The following IQSEC1 variants were observed in gnomAD, a reference collection of about 807,000 sequenced individuals.
IQSEC1 encodes the protein IQ motif and Sec7 domain ArfGEF 1, also known as IQ motif and SEC7 domain-containing protein 1.
A neutral mutation model predicts 91.0 loss-of-function variants in IQSEC1; 31 were observed. The ratio of observed to expected loss-of-function variants is 0.34; its 90% CI spans 0.26 to 0.46. The LOEUF (loss-of-function observed/expected upper bound fraction) is 0.46. Among genes scored for constraint, IQSEC1 ranks in the 20% least tolerant of loss-of-function variants. The pLI is 1.00. For missense variants in IQSEC1, 1,388 were observed against 1,575.6 expected (o/e 0.88, Z 2.02); for synonymous variants, 699 against 662.6 (o/e 1.05, Z -0.84).
chr3:13,073,921 G>A (rs1271350247), upstream of IQSEC1, among the ~76,000 whole-genome samples: 1 of 152,258 alleles, frequency 6.6e-6, no homozygotes, highest in Non-Finnish European at 1.5e-5. Flanking sequence ...GTAGCTGCAC[G>A]GTGGATGGCA....
chr3:12,924,565 C>G lies in IQSEC1; in HGVS notation c.1730+16G>C. On this transcript the variant is annotated intron_variant, in intron 4 of 13. Transcript: ENST00000613206. This position sits in a 1 kb window ranked among gnomAD's most constrained non-coding sequence, Gnocchi z 6.3. The stretch of plus-strand genomic sequence containing the variant: ...GTGTGGAATCAGGTCCCCCACCACC[C>G]CCATGCAGAACTTACTCGAGCACGT... 2 of 1,571,718 alleles carry G rather than the reference C, an allele frequency of 1.3e-6. No homozygotes were observed. Among genetic ancestry groups the G allele is most frequent in the African/African-American group, 2.7e-5 (2 of 74,004 alleles).
intron 6 of IQSEC1, among the ~76,000 whole-genome samples, chr3:12,916,123 G>T: frequency 6.6e-6 from 1 of 152,208 alleles, no homozygotes; most frequent in African/African-American, 2.4e-5. Flanking sequence ...GCTGGGGTTT[G>T]TTTGGGCTCC....
intron 2 of IQSEC1, among the ~76,000 whole-genome samples, chr3:13,095,251 G>A (rs1414357974): frequency 6.6e-6 from 1 of 151,986 alleles, no homozygotes; most frequent in Non-Finnish European, 1.5e-5. Flanking sequence ...CCAGGGAGTT[G>A]GAAAGGTGTG....
intron 1 of IQSEC1, among the ~76,000 whole-genome samples, chr3:12,999,390 C>G (rs1433301494): frequency 2.0e-5 from 3 of 152,206 alleles, no homozygotes; most frequent in Non-Finnish European, 4.4e-5. Context: ...CCTCCCAGCT[C>G]GGCAGTGTGC....
intron 1 of IQSEC1, among the ~76,000 whole-genome samples, chr3:13,166,992 C>T (rs188032441): frequency 5.9e-5 from 9 of 152,278 alleles, no homozygotes; most frequent in East Asian, 5.8e-4. Context: ...TGGGCAGCCC[C>T]GGGGTGGAGG....
At chr3:13,171,427 T>C (rs896580099) in intron 1 of IQSEC1, among the ~76,000 whole-genome samples, 9 of 152,198 alleles carry the variant, frequency 5.9e-5, no homozygotes, top group African/African-American at 1.9e-4. Flanking sequence ...TTCTGAGTTC[T>C]TTCTCTAAAG....
chr3:13,023,495 C>T (rs932376724), intron 1 of IQSEC1, among the ~76,000 whole-genome samples: 2 of 152,190 alleles, frequency 1.3e-5, no homozygotes, highest in Admixed American at 6.5e-5. Context: ...CAGCAGGGCC[C>T]TGGGCATCAT....
chr3:13,019,613 GA>G (rs563152600), intron 1 of IQSEC1, among the ~76,000 whole-genome samples: 8 of 152,352 alleles, frequency 5.3e-5, no homozygotes, highest in Middle Eastern at 3.4e-3. Flanking sequence ...GCTCTCAACA[GA>G]ATGGGGTAGG....
chr3:13,017,702 G>A (rs1166844672), intron 1 of IQSEC1, among the ~76,000 whole-genome samples: 1 of 152,182 alleles, frequency 6.6e-6, no homozygotes, highest in African/African-American at 2.4e-5. Flanking sequence ...TCGATGCAGG[G>A]AGAGGGGGCG....
At position 13,271,138 on chromosome 3, in the gene IQSEC1, G is replaced by T. The variant is rs186651392; in HGVS notation, c.272+11573C>A. ...CATGCCTGTAATCCCAGCACTTTGGGAGGCTGAGGTGGGCTGATCACGAGG... is the reference window on the plus strand; with the variant it reads ...CATGCCTGTAATCCCAGCACTTTGGTAGGCTGAGGTGGGCTGATCACGAGG... On this transcript the variant is annotated intron_variant, in intron 1 of 15. Coordinates refer to the IQSEC1 transcript ENST00000648114. 1.4e-3 allele frequency among the ~76,000 whole-genome samples: 213 copies of T among 152,344 alleles called. 5 individuals carry two copies. The highest frequency in any genetic ancestry group is 0.014 in the Admixed American group (212 of 15,304).
chr3:13,076,499 G>A (rs444944), upstream of IQSEC1, among the ~76,000 whole-genome samples: 60,909 of 152,044 alleles, frequency 0.4, 13,004 homozygotes, highest in Middle Eastern at 0.63. Context: ...AAGGTGGGAG[G>A]AACATGACAG....
intron 2 of IQSEC1, among the ~76,000 whole-genome samples, chr3:13,154,485 T>A (rs1348630850): frequency 1.6e-4 from 4 of 24,418 alleles, no homozygotes; most frequent in Non-Finnish European, 2.5e-4. Context: ...ATGCAAAAAC[T>A]GATACAACTG....
chr3:12,923,840 C>T (rs188651588), intron 4 of IQSEC1, among the ~76,000 whole-genome samples: 5 of 152,340 alleles, frequency 3.3e-5, no homozygotes, highest in Admixed American at 3.3e-4. Flanking sequence ...AAGGGACTGC[C>T]CCTGGATGGC....
intron 1 of IQSEC1, among the ~76,000 whole-genome samples, chr3:13,272,543 G>C (rs541486276): frequency 6.6e-6 from 1 of 152,370 alleles, no homozygotes; most frequent in Admixed American, 6.5e-5. Flanking sequence ...GCTCACAGTA[G>C]GTGCCAGGGA....
intron 2 of IQSEC1, among the ~76,000 whole-genome samples, chr3:13,083,823 C>G (rs966271777): frequency 2.0e-5 from 3 of 152,248 alleles, no homozygotes; most frequent in African/African-American, 7.2e-5. Flanking sequence ...TCCTTGTCTC[C>G]CCAGCACCTT....
At chr3:13,055,979 C>T (rs1010226399) in intron 1 of IQSEC1, among the ~76,000 whole-genome samples, 42 of 152,228 alleles carry the variant, frequency 2.8e-4, no homozygotes, top group African/African-American at 9.6e-4. Context: ...CCCCCACCAC[C>T]ATTCCAGCTT....
At chr3:13,084,992 C>A (rs1705712058) in intron 2 of IQSEC1, among the ~76,000 whole-genome samples, 2 of 152,104 alleles carry the variant, frequency 1.3e-5, no homozygotes, top group African/African-American at 2.4e-5. Flanking sequence ...TTCTAGCCCC[C>A]AAGTCCTTGG....
intron 8 of IQSEC1, among the ~76,000 whole-genome samples, chr3:12,914,314 A>T (rs1387966766): frequency 2.0e-5 from 3 of 152,192 alleles, no homozygotes; most frequent in African/African-American, 7.2e-5. Flanking sequence ...TGGCTCTGGG[A>T]GTGCCCAGGT....
chr3:13,037,804 C>T (rs1704091655), intron 1 of IQSEC1, among the ~76,000 whole-genome samples: 1 of 151,908 alleles, frequency 6.6e-6, no homozygotes, highest in South Asian at 2.1e-4. Context: ...ATGAGGTCCC[C>T]AGAGCAGTGA....
Sources: gnomAD v4.1 joint callset for allele counts (sites outside exome capture counted in the v4.1 genomes callset) on GRCh38, gnomAD v4.1.1 for gene constraint, Gnocchi (gnomAD v3.1) non-coding constraint, MANE v1.5 for transcripts, NCBI Gene and HGNC (gene_info 2026-07-23, HGNC 2026-07-21) for gene names.